The following LHPP variants were observed in gnomAD, a reference collection of about 807,000 sequenced individuals.
LHPP encodes hLHPP.
LHPP carries 24 observed loss-of-function variants against 30.3 expected under a neutral mutation model. That is an observed-to-expected ratio of 0.79 (90% CI 0.57 to 1.11). The LOEUF (loss-of-function observed/expected upper bound fraction) is 1.11. Ranked by LOEUF, LHPP falls within the 50% of genes most tolerant of loss-of-function variation. The pLI is 0.00. For synonymous variants in LHPP, 150 were observed against 157.1 expected (o/e 0.95, Z 0.34); for missense variants, 356 against 367.2 (o/e 0.97, Z 0.25).
intron 6 of LHPP, among the ~76,000 whole-genome samples, chr10:124,573,220 C>T (rs75967605): frequency 0.014 from 2,180 of 152,356 alleles, 46 homozygotes; most frequent in African/African-American, 0.05. Context: ...ACTCTTCATC[C>T]AGTTTCCTCT....
intron 6 of LHPP, among the ~76,000 whole-genome samples, chr10:124,551,472 C>G (rs1342563701): frequency 6.6e-6 from 1 of 152,174 alleles, no homozygotes; most frequent in Non-Finnish European, 1.5e-5. Context: ...GGCGGGGGGG[C>G]AGAGCCTGCC....
At chr10:124,498,541 G>A (rs946438474) in intron 5 of LHPP, 2 of 1,367,492 alleles carry the variant, frequency 1.5e-6, no homozygotes, top group Admixed American at 2.8e-5. Context: ...GGGATAGATT[G>A]CCTTTCAAAC....
intron 1 of LHPP, among the ~76,000 whole-genome samples, chr10:124,476,569 G>C (rs958377012): frequency 6.6e-6 from 1 of 152,212 alleles, no homozygotes; most frequent in Non-Finnish European, 1.5e-5. Context: ...CCAGGGGACA[G>C]ATGCCGATCT....
chr10:124,468,105 C>T (rs953852515), intron 1 of LHPP, among the ~76,000 whole-genome samples: 3 of 152,200 alleles, frequency 2.0e-5, no homozygotes, highest in Non-Finnish European at 4.4e-5. Context: ...ACAGGCTTCT[C>T]TAACAGCTTA....
At chr10:124,536,784 G>A (rs1012321034) in intron 6 of LHPP, among the ~76,000 whole-genome samples, 4 of 152,112 alleles carry the variant, frequency 2.6e-5, no homozygotes, top group Admixed American at 6.5e-5. Flanking sequence ...AATTCCCTGC[G>A]GCAGCTCCAA....
In LHPP at chr10:124,592,764, C is replaced by T. The variant is rs1340589803; in HGVS notation, c.717-20500C>T. 1.3e-5 allele frequency among the ~76,000 whole-genome samples: 2 copies of T among 152,236 alleles called. No homozygotes were observed. Among genetic ancestry groups the T allele is most frequent in the African/African-American group, 4.8e-5 (2 of 41,472 alleles). On this transcript the variant is annotated intron_variant, in intron 6 of 6. Transcript: ENST00000368842. The surrounding 1 kb of genome is among the most constrained non-coding windows in gnomAD (Gnocchi z 6.2). ...AGCAAAGCAGTGTTGACAGAGTGTC[C>T]TGGAGGGCAGCTTGTCTCCCTGGCC... is the stretch of plus-strand genomic sequence containing the variant.
intron 6 of LHPP, among the ~76,000 whole-genome samples, chr10:124,558,977 T>C (rs141795318): frequency 2.6e-5 from 4 of 152,340 alleles, no homozygotes; most frequent in Non-Finnish European, 5.9e-5. Context: ...AAAGGAGTTA[T>C]AAGACACAGC....
At chr10:124,481,629 C>G (rs1487281366) in intron 1 of LHPP, among the ~76,000 whole-genome samples, 2 of 152,024 alleles carry the variant, frequency 1.3e-5, no homozygotes, top group Non-Finnish European at 2.9e-5. Flanking sequence ...GATCCACCCA[C>G]CTCGACCTCC....
intron 6 of LHPP, among the ~76,000 whole-genome samples, chr10:124,573,885 AC>A (rs1337984135): frequency 3.9e-5 from 6 of 152,014 alleles, no homozygotes; most frequent in Non-Finnish European, 8.8e-5. Flanking sequence ...CACACTTGAC[AC>A]CCAAACGCTG....
chr10:124,498,209 T>G lies in LHPP; in HGVS notation c.624+81T>G. ...TGGAGCTTGGAATGGATTACAGGAC[T>G]CAGGCAGCCTGTGGGGTTGGCCAGG... On this transcript the variant is annotated intron_variant, in intron 5 of 6. Coordinates refer to ENST00000368842, the MANE Select transcript of LHPP (RefSeq NM_022126.4). The G allele has an allele frequency of 2.2e-6, 3 of 1,373,446 alleles. No homozygotes were observed. The South Asian group carries it at 3.5e-5, about 16-fold the overall frequency. The allele number at this position is 1,373,446 out of a possible 1,614,324, so 85.1% of individuals were successfully genotyped here. A position where few individuals can be genotyped will look rare whatever the true frequency, so the allele number is the denominator to read the frequency against.
chr10:124,555,313 G>T (rs1250235515), intron 6 of LHPP, among the ~76,000 whole-genome samples: 2 of 152,208 alleles, frequency 1.3e-5, no homozygotes, highest in East Asian at 3.9e-4. Flanking sequence ...GGGCGAGTGA[G>T]CACTGTAGTC....
chr10:124,496,893 C>T lies in LHPP; in HGVS notation c.468-68C>T, dbSNP rs540977022. ...CGGGACAGGCCCGGTGCTCAGCTCC[C>T]GATACTTAGCATCCTGCGGTCAGCT... On this transcript the variant is annotated intron_variant, in intron 3 of 6. Transcript: ENST00000368842. The surrounding 1 kb of genome is among the most constrained non-coding windows in gnomAD (Gnocchi z 4.3). 1.1e-5 allele frequency: 16 copies of T among 1,443,818 alleles called. No individual in the cohort carries two copies. The highest frequency in any genetic ancestry group is 4.6e-5 in the East Asian group (2 of 43,434). The allele number at this position is 1,443,818 out of a possible 1,614,324, so 89.4% of individuals were successfully genotyped here. A position where few individuals can be genotyped will look rare whatever the true frequency, so the allele number is the denominator to read the frequency against.
intron 6 of LHPP, among the ~76,000 whole-genome samples, chr10:124,563,234 G>T (rs1349964503): frequency 1.3e-5 from 2 of 151,908 alleles, no homozygotes; most frequent in Non-Finnish European, 2.9e-5. Flanking sequence ...GTGTCCTTCA[G>T]TGGGTGACGA....
intron 6 of LHPP, among the ~76,000 whole-genome samples, chr10:124,585,963 T>A (rs1480790824): frequency 6.6e-6 from 1 of 152,126 alleles, no homozygotes; most frequent in Non-Finnish European, 1.5e-5. Flanking sequence ...TTTTATATTT[T>A]TAGTAGAGGC....
At chr10:124,522,334 A>G (rs556701314) in intron 6 of LHPP, among the ~76,000 whole-genome samples, 1 of 151,448 alleles carries the variant, frequency 6.6e-6, no homozygotes, top group East Asian at 2.0e-4. Context: ...GCTCCCCCAG[A>G]CTCCTCGAGG....
chr10:124,558,035 G>T (rs1314524511), intron 6 of LHPP, among the ~76,000 whole-genome samples: 1 of 152,126 alleles, frequency 6.6e-6, no homozygotes, highest in Admixed American at 6.5e-5. Context: ...TTCATCTCTG[G>T]CTTTCCTGTC....
chr10:124,522,730 C>CCA (rs887987462), intron 6 of LHPP, among the ~76,000 whole-genome samples: 4 of 149,730 alleles, frequency 2.7e-5, no homozygotes, highest in Admixed American at 1.3e-4. Flanking sequence ...CACGCCCCCC[C>CCA]CCAAGCACTG....
At chr10:124,507,083 T>TC (rs1314679676) in intron 5 of LHPP, among the ~76,000 whole-genome samples, 2 of 1,458 alleles carry the variant, frequency 1.4e-3, no homozygotes, top group African/African-American at 0.017. Flanking sequence ...GGATTTCAGG[T>TC]GGGGGGGTAG....
chr10:124,572,588 G>A (rs1343818871), intron 6 of LHPP, among the ~76,000 whole-genome samples: 2 of 151,198 alleles, frequency 1.3e-5, no homozygotes, highest in Non-Finnish European at 2.9e-5. Flanking sequence ...CCGAGATCAC[G>A]CCATTGCACT....
Sources: gnomAD v4.1 joint callset for allele counts (sites outside exome capture counted in the v4.1 genomes callset) on GRCh38, gnomAD v4.1.1 for gene constraint, Gnocchi (gnomAD v3.1) non-coding constraint, MANE v1.5 for transcripts, NCBI Gene and HGNC (gene_info 2026-07-23, HGNC 2026-07-21) for gene names.